Variants in GRIN1 observed in about 807,000 individuals in gnomAD.
GRIN1 encodes the protein glutamate ionotropic receptor NMDA type subunit 1, also known as glutamate receptor ionotropic, NMDA 1.
Under a neutral mutation model 103.0 loss-of-function variants are expected in GRIN1, and 38 were observed. That is an observed-to-expected ratio of 0.37 (90% CI 0.28 to 0.48). GRIN1 has a LOEUF of 0.48. Ranked by LOEUF, GRIN1 falls within the 20% of genes least tolerant of loss-of-function variation. The pLI is 0.98. For missense variants in GRIN1, 577 were observed against 1,288.9 expected (o/e 0.45, Z 8.46); for synonymous variants, 544 against 532.7 (o/e 1.02, Z -0.29).
At chr9:137,141,258 C>T (rs1253729239) in intron 1 of GRIN1, among the ~76,000 whole-genome samples, 2 of 152,166 alleles carry the variant, frequency 1.3e-5, no homozygotes, top group Non-Finnish European at 2.9e-5. Flanking sequence ...CAGGTCCTTG[C>T]TGTGTGAAGG....
chr9:137,144,643 T>TA lies in GRIN1; in HGVS notation c.394-1069dup, dbSNP rs1183732868. ...GCCTGGGTAACAGTGCGAGACTGTT[T>TA]AAAAAAAAAAAAAAGTGTCCCCAGG... On this transcript the variant is annotated intron_variant, in intron 2 of 19. Transcript: ENST00000371561. Among the ~76,000 whole-genome samples the TA allele has an allele frequency of 3.0e-3, 380 of 126,740 alleles. 2 individuals are homozygous for TA. Among genetic ancestry groups the TA allele is most frequent in the African/African-American group, 8.4e-3 (286 of 34,162 alleles). The allele number at this position is 126,740 out of a possible 152,430, so 83.1% of individuals were successfully genotyped here. A position where few individuals can be genotyped will look rare whatever the true frequency, so the allele number is the denominator to read the frequency against.
chr9:137,167,330 G>A, intron 19 of GRIN1, 81 bp from the exon 20 acceptor site: 1 of 1,101,216 alleles, frequency 9.1e-7, no homozygotes, highest in South Asian at 1.3e-5. Flanking sequence ...GTCCGGGCCA[G>A]GGCGGCACTG....
At chr9:137,141,486 G>A (rs1023798648) in intron 1 of GRIN1, among the ~76,000 whole-genome samples, 7 of 152,210 alleles carry the variant, frequency 4.6e-5, no homozygotes, top group African/African-American at 9.7e-5. Context: ...GACAGAGCCC[G>A]TCACAGGCCC....
rs1833981361 is a variant in GRIN1 at position 137,168,213 on chromosome 9, G to A, written c.*686G>A. 6.1e-6 allele frequency: 2 copies of A among 330,378 alleles called. No homozygotes were observed. Among genetic ancestry groups the A allele is most frequent in the South Asian group, 6.7e-5 (2 of 29,726 alleles). 20.5% of individuals were successfully genotyped at this position (330,378 alleles called of 1,614,324 possible). ...CAGCCTGAGCCACAGTGGGGCCCATGGCCCCAGCTGGCTGGGTCGCCCCTC... is the reference window on the plus strand; with the variant it reads ...CAGCCTGAGCCACAGTGGGGCCCATAGCCCCAGCTGGCTGGGTCGCCCCTC... On this transcript the variant is annotated 3_prime_UTR_variant, in exon 20 of 20. Transcript: ENST00000371561.
intron 3 of GRIN1, 24 bp downstream of exon 3, chr9:137,145,926 G>T (rs1832506010): frequency 5.8e-6 from 9 of 1,562,630 alleles, no homozygotes; most frequent in East Asian, 2.3e-5. Context: ...CCGCGGGTGG[G>T]CGCCTGGCGG....
rs1227921144 is a variant in GRIN1 at position 137,156,990 on chromosome 9, C to T, written c.921C>T (p.Gly307=). The change falls in exon 6 of 20, where the codon GGC becomes GGT. Residue 307 remains glycine, a synonymous_variant. Coordinates refer to ENST00000371561, the MANE Select transcript of GRIN1 (RefSeq NM_007327.4). ...EKENITDPPR[G]CVGNTNIWKT... Reference sequence around the variant, plus strand: ...AGAACATCACCGACCCGCCGCGGGGCTGCGTGGGCAACACCAACATCTGGA... The same window carrying T: ...AGAACATCACCGACCCGCCGCGGGGTTGCGTGGGCAACACCAACATCTGGA... The T allele has an allele frequency of 1.9e-6, 3 of 1,612,098 alleles. No homozygotes were observed. Among genetic ancestry groups the T allele is most frequent in the South Asian group, 1.1e-5 (1 of 91,074 alleles).
At chr9:137,163,031 G>A (rs1239464435) in intron 15 of GRIN1, 28 bp downstream of exon 15, 1 of 1,568,264 alleles carries the variant, frequency 6.4e-7, no homozygotes, top group Admixed American at 1.9e-5. Flanking sequence ...ACCCTGGCGG[G>A]GCGGGACAGG....
intron 4 of GRIN1, among the ~76,000 whole-genome samples, chr9:137,152,640 C>A (rs752926477): frequency 2.6e-4 from 40 of 152,278 alleles, no homozygotes; most frequent in African/African-American, 9.6e-4. Flanking sequence ...ACAGGTTGAC[C>A]CCGCGTTGCC....
At position 137,154,431 on chromosome 9, in the gene GRIN1, A is replaced by ATTT. The variant is rs1833099408; in HGVS notation, c.672-2238_672-2237insTTT. ...TCAGCCACCACCCCCAGCTCCAACA[A>ATTT]CTTTTTTTTTTTTTTTTTTTTTTTT... On this transcript the variant is annotated intron_variant, in intron 4 of 19. Transcript: ENST00000371561. Among the ~76,000 whole-genome samples the ATTT allele has an allele frequency of 4.8e-5, 4 of 83,510 alleles. 1 individual carries two copies. The South Asian group carries it at 1.9e-3, about 39-fold the overall frequency. The allele number at this position is 83,510 out of a possible 152,430, so 54.8% of individuals were successfully genotyped here.
chr9:137,162,130 C>T, intron 11 of GRIN1, 42 bp downstream of exon 11: 1 of 1,537,074 alleles, frequency 6.5e-7, no homozygotes, highest in Non-Finnish European at 8.8e-7. Flanking sequence ...GGGGGGAGTC[C>T]CTGGAGGGCC....
chr9:137,152,628 C>G (rs1001646205), intron 4 of GRIN1, among the ~76,000 whole-genome samples: 1 of 152,146 alleles, frequency 6.6e-6, no homozygotes. Context: ...CACTGCGGTC[C>G]CACAGGTTGA....
chr9:137,163,081 C>T, intron 15 of GRIN1, 78 bp downstream of exon 15: 1 of 1,569,784 alleles, frequency 6.4e-7, no homozygotes, highest in Non-Finnish European at 8.6e-7. Flanking sequence ...GGCAGGAGAG[C>T]GTCCGGGCCG....
chr9:137,153,478 A>G (rs1833028726), intron 4 of GRIN1, among the ~76,000 whole-genome samples: 1 of 151,276 alleles, frequency 6.6e-6, no homozygotes, highest in African/African-American at 2.4e-5. Flanking sequence ...CACATGCACC[A>G]TCATGTACAG....
At chr9:137,157,680 C>T (rs1402344750) in intron 6 of GRIN1, among the ~76,000 whole-genome samples, 1 of 152,238 alleles carries the variant, frequency 6.6e-6, no homozygotes, top group African/African-American at 2.4e-5. Flanking sequence ...GGAGTTAGCT[C>T]ACAGCACGCC....
Position 137,167,703 on chromosome 9 carries a change from C to A in GRIN1, c.*176C>A. The A allele has an allele frequency of 6.2e-7, 1 of 1,602,048 alleles. No individual in the cohort carries two copies. Among genetic ancestry groups the A allele is most frequent in the South Asian group, 1.1e-5 (1 of 90,146 alleles). ...CGGTTGGCCGGCTGGCCGGTCCACC[C>A]CGTCCCGGCCCCGCGCGTGCCCCCA... On this transcript the variant is annotated 3_prime_UTR_variant, in exon 20 of 20. Transcript: ENST00000371561.
At chr9:137,163,473 C>G (rs1833677976) in intron 16 of GRIN1, 86 bp from the exon 17 acceptor site, 2 of 1,373,358 alleles carry the variant, frequency 1.5e-6, no homozygotes, top group Non-Finnish European at 2.1e-6. Context: ...CCCTACCCCG[C>G]AGGCCCCGCC....
At position 137,148,979 on chromosome 9, in the gene GRIN1, C is replaced by T. The variant is rs150477203; in HGVS notation, c.571-30C>T. ...GAGGCGCTATGTCCCCTGCCCCAGC[C>T]GCCTGCTAACACTCTTGCTCACACC... On this transcript the variant is annotated intron_variant, in intron 3 of 19. Transcript: ENST00000371561. 1,576 of 1,522,224 alleles carry T rather than the reference C, an allele frequency of 1.0e-3. 2 individuals carry two copies. The highest frequency in any genetic ancestry group is 3.7e-3 in the Middle Eastern group (21 of 5,726). 94.3% of individuals were successfully genotyped at this position (1,522,224 alleles called of 1,614,324 possible).
chr9:137,166,894 C>T (rs928541510), intron 19 of GRIN1, among the ~76,000 whole-genome samples: 1 of 152,140 alleles, frequency 6.6e-6, no homozygotes, highest in East Asian at 1.9e-4. Flanking sequence ...GGAGAAACAG[C>T]GATTTGGGGC....
intron 18 of GRIN1, 36 bp from the exon 19 acceptor site, chr9:137,165,150 C>A: frequency 1.4e-6 from 2 of 1,440,418 alleles, no homozygotes; most frequent in Non-Finnish European, 2.0e-6. Context: ...TGGCCACCAC[C>A]CTAGCCATCT....
Sources: gnomAD v4.1 joint callset for allele counts (sites outside exome capture counted in the v4.1 genomes callset) on GRCh38, gnomAD v4.1.1 for gene constraint, MANE v1.5 for transcripts, NCBI Gene and HGNC (gene_info 2026-07-23, HGNC 2026-07-21) for gene names.